TRIM71: variants seen among roughly 807,000 people sequenced by gnomAD.
The protein encoded by TRIM71 is E3 ubiquitin-protein ligase TRIM71.
TRIM71 carries 9 observed loss-of-function variants against 61.2 expected under a neutral mutation model. The ratio of observed to expected loss-of-function variants is 0.15; its 90% CI spans 0.09 to 0.26. The LOEUF (loss-of-function observed/expected upper bound fraction) is 0.26, where lower values mean the gene tolerates loss of function less well. Ranked by LOEUF, TRIM71 falls within the 10% of genes least tolerant of loss-of-function variation. The pLI is 1.00. For synonymous variants in TRIM71, 645 were observed against 553.2 expected (o/e 1.17, Z -2.33); for missense variants, 998 against 1,238.7 (o/e 0.81, Z 2.92).
chr3:32,843,337 T>A lies in TRIM71; in HGVS notation c.852+24405T>A, dbSNP rs1696433211. Among the ~76,000 whole-genome samples the A allele has an allele frequency of 3.3e-5, 5 of 152,194 alleles. No homozygotes were observed. The South Asian group carries it at 1.0e-3, about 32-fold the overall frequency. On this transcript the variant is annotated intron_variant, in intron 1 of 3. Transcript: ENST00000383763. ...GGACACTCCCCCCAACTCACCAGGATCCCTTTTCTCATCAACCAGAGTTCT... is the reference window on the plus strand; with the variant it reads ...GGACACTCCCCCCAACTCACCAGGAACCCTTTTCTCATCAACCAGAGTTCT...
At chr3:32,835,919 T>C (rs1419845859) in intron 1 of TRIM71, among the ~76,000 whole-genome samples, 1 of 152,202 alleles carries the variant, frequency 6.6e-6, no homozygotes, top group Non-Finnish European at 1.5e-5. Flanking sequence ...TAGAGGTTAG[T>C]CTTAAAAAAC....
chr3:32,841,681 C>T (rs1489322829), intron 1 of TRIM71, among the ~76,000 whole-genome samples: 2 of 152,042 alleles, frequency 1.3e-5, no homozygotes, highest in Non-Finnish European at 2.9e-5. Context: ...TAGTGCCGTA[C>T]ATTCTTTGGC....
intron 2 of TRIM71, among the ~76,000 whole-genome samples, chr3:32,882,618 T>A (rs1034542547): frequency 2.0e-5 from 3 of 152,294 alleles, no homozygotes; most frequent in African/African-American, 7.2e-5. Context: ...CAGTCACAGC[T>A]TGCTGCAGCT....
chr3:32,840,451 C>T (rs1032877393), intron 1 of TRIM71, among the ~76,000 whole-genome samples: 5 of 152,142 alleles, frequency 3.3e-5, no homozygotes, highest in Admixed American at 2.6e-4. Context: ...GAGGTTTTGG[C>T]CTATTTCCTA....
intron 2 of TRIM71, among the ~76,000 whole-genome samples, chr3:32,885,474 G>A (rs1245137772): frequency 6.6e-6 from 1 of 152,142 alleles, no homozygotes. Context: ...ACAAAAGCAG[G>A]ATGGATTAGC....
At chr3:32,826,095 A>C (rs1696197963) in intron 1 of TRIM71, among the ~76,000 whole-genome samples, 1 of 152,202 alleles carries the variant, frequency 6.6e-6, no homozygotes, top group Admixed American at 6.5e-5. Context: ...CATGCTGTAG[A>C]TAAATGCAGT....
chr3:32,872,842 G>T (rs1696810347), intron 1 of TRIM71, among the ~76,000 whole-genome samples: 1 of 152,188 alleles, frequency 6.6e-6, no homozygotes, highest in Admixed American at 6.5e-5. Flanking sequence ...CCTGCCTGTT[G>T]CATGTTAGCT....
intron 1 of TRIM71, among the ~76,000 whole-genome samples, chr3:32,840,037 G>T (rs1417006953): frequency 6.6e-6 from 1 of 152,180 alleles, no homozygotes; most frequent in Non-Finnish European, 1.5e-5. Context: ...GCCCTTCAGA[G>T]CAAGAGAGAA....
chr3:32,824,989 T>G (rs1696184986), intron 1 of TRIM71, among the ~76,000 whole-genome samples: 1 of 152,108 alleles, frequency 6.6e-6, no homozygotes, highest in South Asian at 2.1e-4. Flanking sequence ...GAGACGGTGT[T>G]TCACCATGTT....
At chr3:32,820,046 G>C (rs547517986) in intron 1 of TRIM71, among the ~76,000 whole-genome samples, 2 of 152,376 alleles carry the variant, frequency 1.3e-5, no homozygotes, top group South Asian at 2.1e-4. Context: ...CAAAAGTCTT[G>C]AGAAGCGGGC....
chr3:32,844,291 A>C (rs965972230), intron 1 of TRIM71, among the ~76,000 whole-genome samples: 1 of 152,188 alleles, frequency 6.6e-6, no homozygotes, highest in African/African-American at 2.4e-5. Flanking sequence ...AACAGATTTA[A>C]ATGTTGCCCT....
intron 1 of TRIM71, among the ~76,000 whole-genome samples, chr3:32,821,312 G>C (rs1006226432): frequency 5.3e-5 from 8 of 152,128 alleles, no homozygotes; most frequent in African/African-American, 1.7e-4. Flanking sequence ...CTCCTTAACT[G>C]AGTTGCTTCC....
Position 32,818,308 on chromosome 3 carries a change from G to GGCGGCGGGCGGCGGC in TRIM71, c.237_251dup (p.Gly80_Gly84dup). On this transcript the variant is annotated inframe_insertion, in exon 1 of 4. Coordinates refer to ENST00000383763, the MANE Select transcript of TRIM71 (RefSeq NM_001039111.3). ...CCTGCCTCGAGGCGCACCGGCTGCC[G>GGCGGCGGGCGGCGGC]GCGGCGGGCGGCGGCGCGGCGGGAG... The GGCGGCGGGCGGCGGC allele has an allele frequency of 1.4e-6, 2 of 1,433,720 alleles. No homozygotes were observed. The highest frequency in any genetic ancestry group is 1.8e-6 in the Non-Finnish European group (2 of 1,098,948). 88.8% of individuals were successfully genotyped at this position (1,433,720 alleles called of 1,614,324 possible).
At chr3:32,839,032 C>A (rs1192777041) in intron 1 of TRIM71, among the ~76,000 whole-genome samples, 1 of 151,872 alleles carries the variant, frequency 6.6e-6, no homozygotes, top group Non-Finnish European at 1.5e-5. Context: ...AACTCCTGAC[C>A]TCAGTTGATC....
chr3:32,848,009 C>T (rs1025900139), intron 1 of TRIM71, among the ~76,000 whole-genome samples: 1 of 152,116 alleles, frequency 6.6e-6, no homozygotes, highest in African/African-American at 2.4e-5. Context: ...GGGTTGTCTG[C>T]AAATACTACA....
At chr3:32,857,012 T>C (rs1295039995) in intron 1 of TRIM71, among the ~76,000 whole-genome samples, 5 of 152,138 alleles carry the variant, frequency 3.3e-5, no homozygotes, top group African/African-American at 1.2e-4. Context: ...ACTCAACATT[T>C]GAACCCGGGT....
At chr3:32,837,298 A>G (rs997052355) in intron 1 of TRIM71, among the ~76,000 whole-genome samples, 8 of 152,192 alleles carry the variant, frequency 5.3e-5, no homozygotes, top group African/African-American at 1.9e-4. Flanking sequence ...TGCCACCACC[A>G]CCACAATCAA....
intron 1 of TRIM71, 83 bp downstream of exon 1, chr3:32,819,015 A>C: frequency 6.8e-7 from 1 of 1,464,648 alleles, no homozygotes; most frequent in Non-Finnish European, 9.4e-7. Flanking sequence ...TCCCACAGCG[A>C]GGGGAGGAGG....
chr3:32,854,270 A>G (rs943316655), intron 1 of TRIM71, among the ~76,000 whole-genome samples: 1 of 152,226 alleles, frequency 6.6e-6, no homozygotes, highest in Non-Finnish European at 1.5e-5. Flanking sequence ...CTGGGATTAC[A>G]CACGTAAGCC....
Sources: gnomAD v4.1 joint callset for allele counts (sites outside exome capture counted in the v4.1 genomes callset) on GRCh38, gnomAD v4.1.1 for gene constraint, MANE v1.5 for transcripts, NCBI Gene and HGNC (gene_info 2026-07-23, HGNC 2026-07-21) for gene names.